Variants in SLFN12L observed in about 807,000 individuals in gnomAD.
The protein encoded by SLFN12L is schlafen family member 12 like, also known as schlafen family member 12-like.
SLFN12L carries 34 observed loss-of-function variants against 34.8 expected under a neutral mutation model. The ratio of observed to expected loss-of-function variants is 0.98; its 90% CI spans 0.74 to 1.30. The LOEUF (loss-of-function observed/expected upper bound fraction) is 1.30, where lower values mean the gene tolerates loss of function less well. SLFN12L is among the 50% of genes most tolerant of loss of function. The probability of loss-of-function intolerance (pLI) is 0.00; values close to 1 mark genes in which losing one functional copy is unlikely to be tolerated. For missense variants in SLFN12L, 703 were observed against 696.2 expected, an observed-to-expected ratio of 1.01 and a Z score of -0.11; for synonymous variants, 259 against 247.5, an observed-to-expected ratio of 1.05 and a Z score of -0.44.
intron 2 of SLFN12L, among the ~76,000 whole-genome samples, chr17:35,517,128 T>C (rs1915852632): frequency 6.6e-6 from 1 of 151,994 alleles, no homozygotes; most frequent in South Asian, 2.1e-4. Context: ...AACAAACAAA[T>C]AGCAGTGAGG....
At chr17:35,511,699 T>C (rs1180550007) in intron 2 of SLFN12L, among the ~76,000 whole-genome samples, 1 of 152,112 alleles carries the variant, frequency 6.6e-6, no homozygotes. Context: ...CAGTGAGCTA[T>C]GATTGTGCCA....
At chr17:35,483,530 A>C (rs928197847) in intron 2 of SLFN12L, among the ~76,000 whole-genome samples, 2 of 152,194 alleles carry the variant, frequency 1.3e-5, no homozygotes, top group Non-Finnish European at 2.9e-5. Flanking sequence ...TGGTATCTTG[A>C]TCTTGGACTT....
chr17:35,512,178 G>A (rs1482520325), intron 2 of SLFN12L, among the ~76,000 whole-genome samples: 3 of 107,884 alleles, frequency 2.8e-5, no homozygotes, highest in Admixed American at 9.9e-5. Context: ...TTTTTGAGAC[G>A]GAGTCTCGCT....
intron 2 of SLFN12L, among the ~76,000 whole-genome samples, chr17:35,505,263 A>T (rs537084947): frequency 6.6e-6 from 1 of 152,324 alleles, no homozygotes; most frequent in East Asian, 1.9e-4. Context: ...AATCTTTAAC[A>T]CTATATGTGT....
In SLFN12L at chr17:35,522,862, A is replaced by G. The variant is rs1489165683; in HGVS notation, c.-498T>C. On this transcript the variant is annotated 5_prime_UTR_variant, in exon 2 of 5. Coordinates refer to ENST00000628453, the MANE Select transcript of SLFN12L (RefSeq NM_001363830.2). ...CTTCTAGAGAGGATCACAATTCCCC[A>G]GGAGAAAGGTTGGGTTTGCTTATTT... 22 of 965,644 alleles carry G rather than the reference A, an allele frequency of 2.3e-5. No individual in the cohort carries two copies. The highest frequency in any genetic ancestry group is 3.1e-5 in the Non-Finnish European group (19 of 620,750). 59.8% of individuals were successfully genotyped at this position (965,644 alleles called of 1,614,324 possible).
rs1010463651 is a variant in SLFN12L at position 35,498,988 on chromosome 17, C to T, written c.87-18793G>A. Reference sequence around the variant, plus strand: ...AAGGATGGGTGTCCCTCCCTCACTACCGTCTGCTTCTATAACACCTAGCAG... The same window carrying T: ...AAGGATGGGTGTCCCTCCCTCACTATCGTCTGCTTCTATAACACCTAGCAG... On this transcript the variant is annotated intron_variant, in intron 2 of 4. Transcript: ENST00000628453. 1.1e-5 allele frequency: 8 copies of T among 701,330 alleles called. No individual in the cohort carries two copies. In the African/African-American group the frequency reaches 1.2e-4, roughly 11 times the overall value. The allele number at this position is 701,330 out of a possible 1,614,324, so 43.4% of individuals were successfully genotyped here.
In SLFN12L at chr17:35,479,719, A is replaced by G; in HGVS notation, c.563T>C (p.Leu188Pro). Residue 188 changes from leucine to proline, a missense_variant, in exon 3 of 5, where the codon CTC becomes CCC. Coordinates refer to ENST00000628453, the MANE Select transcript of SLFN12L (RefSeq NM_001363830.2). ...CCCTCCAGTTTTTTCCATGTCTTTGAGGAACTCCAGTGCAGCAGAAGCATT... is the reference window on the plus strand; with the variant it reads ...CCCTCCAGTTTTTTCCATGTCTTTGGGGAACTCCAGTGCAGCAGAAGCATT... ...VMNASAALEF[L>P]KDMEKTGGRA... 6.2e-7 allele frequency: 1 copy of G among 1,614,102 alleles called. No individual in the cohort carries two copies. Among genetic ancestry groups the G allele is most frequent in the East Asian group, 2.2e-5 (1 of 44,884 alleles).
chr17:35,526,369 C>A (rs1056943228), intron 1 of SLFN12L, among the ~76,000 whole-genome samples: 1 of 152,190 alleles, frequency 6.6e-6, no homozygotes, highest in Non-Finnish European at 1.5e-5. Flanking sequence ...TAATAGACAT[C>A]TACAGACCTT....
intron 2 of SLFN12L, chr17:35,498,820 C>T (rs1251291937): frequency 3.7e-6 from 3 of 818,204 alleles, no homozygotes; most frequent in Non-Finnish European, 2.0e-6. Context: ...GTGCAGCCTG[C>T]CAAGACAACA....
At position 35,530,441 on chromosome 17, in the gene SLFN12L, GAAGAAAGAAAGA is replaced by G. The variant is rs1289016983; in HGVS notation, c.-606+7120_-606+7131del. ...AGGAAGGAAGGAAGGGAAGGGAAGG[GAAGAAAGAAAGA>G]AAGAAAGAAAGAAAGAAAGAAAGAA... On this transcript the variant is annotated intron_variant, in intron 1 of 4. Transcript: ENST00000628453. 2.3e-3 allele frequency among the ~76,000 whole-genome samples: 38 copies of G among 16,870 alleles called. 1 individual carries two copies. The highest frequency in any genetic ancestry group is 0.026 in the Middle Eastern group (1 of 38). 11.1% of individuals were successfully genotyped at this position (16,870 alleles called of 152,430 possible).
chr17:35,483,081 C>T (rs1914414710), intron 2 of SLFN12L, among the ~76,000 whole-genome samples: 1 of 152,130 alleles, frequency 6.6e-6, no homozygotes, highest in South Asian at 2.1e-4. Context: ...GCTTCAGAGA[C>T]CTGAAGAGAC....
rs1368022253 is a variant in SLFN12L at position 35,469,042 on chromosome 17, T to C, written c.*5881A>G. On this transcript the variant is annotated 3_prime_UTR_variant, in exon 5 of 5. Transcript: ENST00000628453. ...TAAAAAGATAACAAAAATTAATGGA[T>C]AGTATTGCCTTTCTCTGAAGGCTGT... Among the ~76,000 whole-genome samples, 10 of 151,784 alleles carry C rather than the reference T, an allele frequency of 6.6e-5. No homozygotes were observed. In the South Asian group the frequency reaches 1.9e-3, roughly 28 times the overall value.
At chr17:35,488,496 T>C (rs987136152) in intron 2 of SLFN12L, among the ~76,000 whole-genome samples, 19 of 152,196 alleles carry the variant, frequency 1.2e-4, no homozygotes, top group Admixed American at 3.3e-4. Context: ...GATACAGCCC[T>C]CCTGTCACGT....
At chr17:35,529,058 A>C (rs1320854323) in intron 1 of SLFN12L, among the ~76,000 whole-genome samples, 1 of 152,250 alleles carries the variant, frequency 6.6e-6, no homozygotes, top group East Asian at 1.9e-4. Context: ...GTTCTCAAAA[A>C]GAAGACATTT....
chr17:35,498,767 T>TA, intron 2 of SLFN12L: 1 of 1,093,382 alleles, frequency 9.1e-7, no homozygotes, highest in East Asian at 2.4e-5. Flanking sequence ...GTGACAGCTA[T>TA]ACTGCCCTGT....
chr17:35,483,121 A>G (rs1427807931), intron 2 of SLFN12L, among the ~76,000 whole-genome samples: 1 of 152,078 alleles, frequency 6.6e-6, no homozygotes, highest in African/African-American at 2.4e-5. Flanking sequence ...AACGGTCCCC[A>G]GGGCCTCCTC....
chr17:35,489,886 A>T, intron 2 of SLFN12L: 2 of 817,244 alleles, frequency 2.4e-6, no homozygotes, highest in South Asian at 3.2e-5. Flanking sequence ...AACCTTGTGG[A>T]ATATTATGAC....
chr17:35,479,809 C>A lies in SLFN12L; in HGVS notation c.473G>T (p.Gly158Val). The A allele has an allele frequency of 6.2e-7, 1 of 1,610,088 alleles. No homozygotes were observed. Among genetic ancestry groups the A allele is most frequent in the Non-Finnish European group, 8.5e-7 (1 of 1,178,122 alleles). Residue 158 changes from glycine (G) to valine (V), a missense_variant, in exon 3 of 5, where the codon GGT becomes GTT. Coordinates refer to ENST00000628453, the MANE Select transcript of SLFN12L (RefSeq NM_001363830.2). ...FVKSWSLETSGPQIATLSSSL... is the reference protein window; with the variant it reads ...FVKSWSLETSVPQIATLSSSL... ...GGAGCTCAACGTGGCAATCTGCGGACCAGAGGTTTCCAAGCTCCATGATTT... is the reference window on the plus strand; with the variant it reads ...GGAGCTCAACGTGGCAATCTGCGGAACAGAGGTTTCCAAGCTCCATGATTT...
At position 35,474,931 on chromosome 17, in the gene SLFN12L, A is replaced by G. The variant is rs976168531; in HGVS notation, c.1831T>C (p.Leu611=). The change falls in exon 5 of 5, where the codon TTG becomes CTG. Residue 611 remains leucine, a synonymous_variant. Coordinates refer to ENST00000628453, the MANE Select transcript of SLFN12L (RefSeq NM_001363830.2). ...GGGTGACAGAGTGAGACTCATCTCA[A>G]GAAAAAACAAACAAACCAACAAACA... ...LFVCWFVCFF[L]R The G allele has an allele frequency of 1.3e-6, 2 of 1,545,208 alleles. No homozygotes were observed. The highest frequency in any genetic ancestry group is 1.4e-5 in the African/African-American group (1 of 72,660).
Sources: allele counts gnomAD v4.1 joint callset (sites outside exome capture counted in the v4.1 genomes callset), GRCh38; gene constraint gnomAD v4.1.1; transcripts MANE v1.5; gene names NCBI Gene and HGNC (gene_info 2026-07-23, HGNC 2026-07-21).